The following SCP2 variants were observed in gnomAD, a reference collection of about 807,000 sequenced individuals.
SCP2 encodes the protein sterol carrier protein 2.
SCP2 carries 48 observed loss-of-function variants against 71.4 expected under a neutral mutation model. The observed-to-expected ratio is 0.67, with a 90% CI of 0.53 to 0.86. The LOEUF (loss-of-function observed/expected upper bound fraction) is 0.86, where lower values mean the gene tolerates loss of function less well. Among genes scored for constraint, SCP2 ranks in the 40% least tolerant of loss-of-function variants. The probability of loss-of-function intolerance (pLI) is 0.00; values close to 1 mark genes in which losing one functional copy is unlikely to be tolerated. For missense variants in SCP2, 560 were observed against 655.6 expected, an observed-to-expected ratio of 0.85 and a Z score of 1.59; for synonymous variants, 220 against 218.1, an observed-to-expected ratio of 1.01 and a Z score of -0.08.
intron 14 of SCP2, among the ~76,000 whole-genome samples, chr1:53,043,321 C>T (rs1663562854): frequency 6.6e-6 from 1 of 152,132 alleles, no homozygotes; most frequent in South Asian, 2.1e-4. Context: ...TCATTGTTTC[C>T]TCCCCAGACC....
Position 52,948,573 on chromosome 1 carries a change from C to T in SCP2, c.199+493C>T, listed in dbSNP as rs866683575. 1.1e-4 allele frequency among the ~76,000 whole-genome samples: 16 copies of T among 142,556 alleles called. 1 individual carries two copies. Among genetic ancestry groups the T allele is most frequent in the Middle Eastern group, 7.9e-3 (2 of 252 alleles). The allele number at this position is 142,556 out of a possible 152,430, so 93.5% of individuals were successfully genotyped here. A position where few individuals can be genotyped will look rare whatever the true frequency, so the allele number is the denominator to read the frequency against. On this transcript the variant is annotated intron_variant, in intron 3 of 15. Coordinates refer to ENST00000371514, the MANE Select transcript of SCP2 (RefSeq NM_002979.5). ...CCAGGAGGCAGAGGTTGTAGTGAGC[C>T]GAGATTGTGCCACTGCACTCCAGCC...
At chr1:52,929,473 TC>T (rs1277016230) in intron 1 of SCP2, among the ~76,000 whole-genome samples, 2 of 152,006 alleles carry the variant, frequency 1.3e-5, no homozygotes, top group Non-Finnish European at 2.9e-5. Context: ...TGAGACAGAG[TC>T]TCACTCTGTC....
At chr1:53,045,745 A>T (rs1017209157) in intron 14 of SCP2, among the ~76,000 whole-genome samples, 21 of 152,152 alleles carry the variant, frequency 1.4e-4, no homozygotes, top group Non-Finnish European at 2.6e-4. Context: ...CCCTTTTTAG[A>T]TGTATAATTC....
chr1:52,938,360 G>A (rs1182479521), intron 1 of SCP2, among the ~76,000 whole-genome samples: 2 of 152,128 alleles, frequency 1.3e-5, no homozygotes, highest in Non-Finnish European at 2.9e-5. Context: ...AATATTCAAA[G>A]CCATTTCTCT....
At chr1:52,992,759 G>A (rs1435052120) in intron 11 of SCP2, among the ~76,000 whole-genome samples, 2 of 152,102 alleles carry the variant, frequency 1.3e-5, no homozygotes, top group Non-Finnish European at 2.9e-5. Context: ...GGCTGACATT[G>A]AAATGTTTAA....
intron 11 of SCP2, chr1:52,993,105 G>A (rs1410976791): frequency 7.2e-7 from 1 of 1,398,446 alleles, no homozygotes; most frequent in African/African-American, 1.4e-5. Context: ...ATTTGTCTAA[G>A]GCTAGAAAGG....
intron 13 of SCP2, 82 bp from the exon 14 acceptor site, chr1:53,038,835 T>G (rs1448539501): frequency 3.4e-5 from 52 of 1,547,650 alleles, no homozygotes; most frequent in Non-Finnish European, 4.5e-5. Context: ...TCATATCATG[T>G]ATCTATTTAA....
At chr1:53,042,497 G>A (rs1663509264) in intron 14 of SCP2, among the ~76,000 whole-genome samples, 1 of 152,112 alleles carries the variant, frequency 6.6e-6, no homozygotes, top group African/African-American at 2.4e-5. Flanking sequence ...CACATTAGGT[G>A]CTGTACCCCA....
intron 10 of SCP2, among the ~76,000 whole-genome samples, chr1:52,983,024 G>C (rs1658672320): frequency 6.6e-6 from 1 of 152,118 alleles, no homozygotes; most frequent in South Asian, 2.1e-4. Context: ...TTATAAAGCA[G>C]ATCTTTTGGA....
chr1:52,934,134 CAT>C (rs1483620954), intron 1 of SCP2, among the ~76,000 whole-genome samples: 3 of 152,152 alleles, frequency 2.0e-5, no homozygotes, highest in Admixed American at 6.6e-5. Flanking sequence ...AAATGGCACA[CAT>C]GTGATGGTTA....
At chr1:53,046,044 C>T (rs1663791654) in intron 14 of SCP2, among the ~76,000 whole-genome samples, 1 of 152,186 alleles carries the variant, frequency 6.6e-6, no homozygotes, top group Admixed American at 6.5e-5. Flanking sequence ...TGAATGGTTA[C>T]CCCTTCACCA....
intron 11 of SCP2, among the ~76,000 whole-genome samples, chr1:53,014,510 ATAAT>A (rs1468507847): frequency 6.6e-6 from 1 of 152,228 alleles, no homozygotes; most frequent in African/African-American, 2.4e-5. Context: ...TTGGAGGAAA[ATAAT>A]AGGAAAAATT....
intron 6 of SCP2, among the ~76,000 whole-genome samples, chr1:52,973,063 G>A (rs769386474): frequency 6.6e-6 from 1 of 152,310 alleles, no homozygotes; most frequent in Middle Eastern, 3.4e-3. Flanking sequence ...TTTAGGTTTG[G>A]TGAGAGAGCC....
chr1:52,991,794 A>G (rs961164173), intron 11 of SCP2, among the ~76,000 whole-genome samples: 3 of 152,062 alleles, frequency 2.0e-5, no homozygotes, highest in Non-Finnish European at 4.4e-5. Context: ...GTGATAACAG[A>G]TCAATTTTAA....
At chr1:53,000,816 C>T (rs571944654) in intron 11 of SCP2, among the ~76,000 whole-genome samples, 122 of 151,984 alleles carry the variant, frequency 8.0e-4, no homozygotes, top group African/African-American at 2.8e-3. Flanking sequence ...TTAGCCGGGC[C>T]TGATGGTGCA....
intron 6 of SCP2, among the ~76,000 whole-genome samples, chr1:52,963,976 T>C (rs1023979132): frequency 6.6e-6 from 1 of 152,186 alleles, no homozygotes; most frequent in African/African-American, 2.4e-5. Context: ...GCATTTATTA[T>C]AGGTACAGAA....
intron 11 of SCP2, among the ~76,000 whole-genome samples, chr1:52,990,871 G>A (rs888258879): frequency 2.0e-5 from 3 of 152,020 alleles, no homozygotes; most frequent in African/African-American, 2.4e-5. Context: ...ACAAAAGTTA[G>A]ATAGATAAAG....
At chr1:52,992,478 C>T (rs1230941208) in intron 11 of SCP2, among the ~76,000 whole-genome samples, 1 of 152,150 alleles carries the variant, frequency 6.6e-6, no homozygotes, top group Non-Finnish European at 1.5e-5. Context: ...TTCCTTTTTA[C>T]CCTTAGCGTG....
chr1:52,975,339 C>T (rs574124895), intron 7 of SCP2, among the ~76,000 whole-genome samples: 1 of 152,282 alleles, frequency 6.6e-6, no homozygotes, highest in East Asian at 1.9e-4. Context: ...TGCCACAGCA[C>T]CTGGCTAATT....
Sources: allele counts gnomAD v4.1 joint callset (sites outside exome capture counted in the v4.1 genomes callset), GRCh38; gene constraint gnomAD v4.1.1; transcripts MANE v1.5; gene names NCBI Gene and HGNC (gene_info 2026-07-23, HGNC 2026-07-21).